The following ATP13A5 variants were observed in gnomAD, a reference collection of about 807,000 sequenced individuals.
ATP13A5 encodes the protein probable cation-transporting ATPase 13A5.
In ATP13A5, 149 loss-of-function variants were observed where a neutral mutation model predicts 150.2. The ratio of observed to expected loss-of-function variants is 0.99; its 90% confidence interval spans 0.87 to 1.14. The LOEUF is 1.14. Ranked by LOEUF, ATP13A5 falls within the 50% of genes most tolerant of loss-of-function variation. The pLI, the probability that ATP13A5 is intolerant of heterozygous loss-of-function variation, is 0.00. For synonymous variants in ATP13A5, 497 were observed against 522.2 expected (o/e 0.95, Z 0.66); for missense variants, 1,383 against 1,449.3 (o/e 0.95, Z 0.74).
In ATP13A5 at chr3:193,321,774, A is replaced by G; in HGVS notation, c.1822T>C (p.Ser608Pro). The G allele has an allele frequency of 6.2e-7, 1 of 1,614,198 alleles. No homozygotes were observed. Among genetic ancestry groups the G allele is most frequent in the African/African-American group, 1.3e-5 (1 of 75,062 alleles). ...TCCCCAGCTAGCTGAGCGATCACGGACATCCTCTGCAGGCTCGAGGAAAAT... is the reference window on the plus strand; with the variant it reads ...TCCCCAGCTAGCTGAGCGATCACGGGCATCCTCTGCAGGCTCGAGGAAAAT... ...FPFSSSLQRMSVIAQLAGENH... is the reference protein window; with the variant it reads ...FPFSSSLQRMPVIAQLAGENH... The change falls in exon 16 of 30, where the codon TCC (serine) becomes CCC (proline). Residue 608 changes from serine to proline, a missense_variant. Ser to Pro is a moderately conservative substitution (Grantham distance 74). Coordinates refer to ENST00000342358, the MANE Select transcript of ATP13A5 (RefSeq NM_198505.4).
intron 5 of ATP13A5, among the ~76,000 whole-genome samples, chr3:193,357,036 A>G (rs1712819912): frequency 6.6e-6 from 1 of 152,074 alleles, no homozygotes; most frequent in Non-Finnish European, 1.5e-5. Context: ...GGCTGGTCTC[A>G]AACCCCTGAC....
At chr3:193,373,967 GA>G (rs1713542548) in intron 1 of ATP13A5, among the ~76,000 whole-genome samples, 1 of 152,222 alleles carries the variant, frequency 6.6e-6, no homozygotes. Context: ...TGTCTGTGCA[GA>G]AGGGGAACAC....
At chr3:193,328,973 A>G (rs1372841789) in intron 12 of ATP13A5, among the ~76,000 whole-genome samples, 1 of 152,198 alleles carries the variant, frequency 6.6e-6, no homozygotes, top group African/African-American at 2.4e-5. Flanking sequence ...TGGGCCGGGC[A>G]CGGTGGCTCA....
intron 9 of ATP13A5, among the ~76,000 whole-genome samples, chr3:193,342,617 G>C (rs982615282): frequency 2.6e-5 from 4 of 152,154 alleles, no homozygotes; most frequent in African/African-American, 9.7e-5. Context: ...TTGTTGAAAG[G>C]CAGCGTTGTT....
At chr3:193,286,035 C>G (rs1717710062) in intron 26 of ATP13A5, among the ~76,000 whole-genome samples, 1 of 151,980 alleles carries the variant, frequency 6.6e-6, no homozygotes, top group Non-Finnish European at 1.5e-5. Flanking sequence ...AAATTTTTGG[C>G]ACCTAGCAAA....
intron 9 of ATP13A5, among the ~76,000 whole-genome samples, chr3:193,337,270 T>C (rs1229192050): frequency 6.6e-6 from 1 of 152,212 alleles, no homozygotes; most frequent in East Asian, 1.9e-4. Flanking sequence ...TTTTGGCTTT[T>C]GTTGCCATTG....
Position 193,322,499 on chromosome 3 carries a change from C to T in ATP13A5, c.1750G>A (p.Ala584Thr). ...VSNIIKPGPK[A>T]SKSPVEAIIT... ...AAAGAAGGAAATCATACCTTACTGG[C>T]TTTTGGTCCTGGTTTTATGATGTTT... Residue 584 changes from alanine to threonine, a missense_variant, in exon 15 of 30, where the codon GCC (alanine) becomes ACC (threonine). Ala to Thr is a moderately conservative substitution (Grantham distance 58, BLOSUM62 0). Transcript: ENST00000342358. 6.2e-7 allele frequency: 1 copy of T among 1,612,866 alleles called. No individual in the cohort carries two copies. The highest frequency in any genetic ancestry group is 8.5e-7 in the Non-Finnish European group (1 of 1,178,952).
At chr3:193,338,527 G>A (rs1711984677) in intron 9 of ATP13A5, among the ~76,000 whole-genome samples, 2 of 152,146 alleles carry the variant, frequency 1.3e-5, no homozygotes, top group African/African-American at 4.8e-5. Flanking sequence ...TTATATGCTG[G>A]ATTACATTTA....
Position 193,333,881 on chromosome 3 carries a change from C to G in ATP13A5, c.1141G>C (p.Val381Leu), listed in dbSNP as rs762721457. 1.9e-6 allele frequency: 3 copies of G among 1,613,606 alleles called. No homozygotes were observed. The highest frequency in any genetic ancestry group is 2.5e-6 in the Non-Finnish European group (3 of 1,179,800). Reference sequence around the variant, plus strand: ...GGCCGGGGGTACAGGATGGATCTCACTAAGTCCCCTTTGGCTGTATTGTAA... The same window carrying G: ...GGCCGGGGGTACAGGATGGATCTCAGTAAGTCCCCTTTGGCTGTATTGTAA... The part of the protein sequence containing the change: ...TGYNTAKGDL[V>L]RSILYPRPLN... The change falls in exon 11 of 30, where the codon GTG (valine) becomes CTG (leucine). Residue 381 changes from valine to leucine, a missense_variant. Val to Leu is a conservative substitution (Grantham distance 32). Around this residue, in one of 3 missense-constraint regions of ATP13A5, gnomAD observed 787 missense variants for 771.9 expected, o/e 1.02. Transcript: ENST00000342358.
chr3:193,299,040 C>T, intron 25 of ATP13A5, 91 bp downstream of exon 25: 12 of 995,560 alleles, frequency 1.2e-5, no homozygotes, highest in Non-Finnish European at 1.8e-5. Flanking sequence ...AATAAGGGTG[C>T]CTCTTTCTCA....
chr3:193,331,886 CAATT>C (rs1443323955), intron 11 of ATP13A5, among the ~76,000 whole-genome samples: 2 of 152,238 alleles, frequency 1.3e-5, no homozygotes, highest in East Asian at 3.9e-4. Context: ...GAGGTTTTAA[CAATT>C]AAATAATTTT....
At chr3:193,356,919 G>A (rs574503898) in intron 5 of ATP13A5, among the ~76,000 whole-genome samples, 1 of 152,058 alleles carries the variant, frequency 6.6e-6, no homozygotes, top group Admixed American at 6.5e-5. Flanking sequence ...AGTTTCAAGC[G>A]ATTCTCCTGC....
intron 25 of ATP13A5, among the ~76,000 whole-genome samples, chr3:193,296,049 G>A (rs1718158114): frequency 6.6e-6 from 1 of 152,102 alleles, no homozygotes; most frequent in Non-Finnish European, 1.5e-5. Flanking sequence ...TTACTGTCTG[G>A]TAGGTTAAGT....
chr3:193,307,425 G>T, intron 21 of ATP13A5, 56 bp from the exon 22 acceptor site: 1 of 1,593,432 alleles, frequency 6.3e-7, no homozygotes, highest in Non-Finnish European at 8.6e-7. Context: ...CAGCTCACTT[G>T]AATATTTTCC....
chr3:193,323,825 T>A (rs1426858044), intron 14 of ATP13A5: 1 of 152,244 alleles, frequency 6.6e-6, no homozygotes, highest in Non-Finnish European at 1.5e-5. Flanking sequence ...TATGTCTTTG[T>A]ATTAGCTTCT....
chr3:193,361,697 A>C (rs575856428), intron 5 of ATP13A5, among the ~76,000 whole-genome samples: 1 of 152,330 alleles, frequency 6.6e-6, no homozygotes, highest in South Asian at 2.1e-4. Flanking sequence ...AGTTAATAAT[A>C]GCATAAGCAT....
At chr3:193,301,853 T>C (rs747509121) in intron 23 of ATP13A5, among the ~76,000 whole-genome samples, 12 of 152,142 alleles carry the variant, frequency 7.9e-5, no homozygotes, top group Non-Finnish European at 1.5e-4. Flanking sequence ...GCTTTGATAT[T>C]GCAGGAAGAC....
intron 1 of ATP13A5, among the ~76,000 whole-genome samples, chr3:193,378,264 G>T (rs745735164): frequency 2.0e-5 from 3 of 152,112 alleles, no homozygotes; most frequent in Non-Finnish European, 4.4e-5. Context: ...CCTAAGCCTA[G>T]GTTATGCATA....
At chr3:193,334,574 G>A (rs1442941756) in intron 10 of ATP13A5, among the ~76,000 whole-genome samples, 1 of 152,122 alleles carries the variant, frequency 6.6e-6, no homozygotes, top group Non-Finnish European at 1.5e-5. Context: ...GCAACTCTTT[G>A]AAAGGAAAAA....
Sources: allele counts gnomAD v4.1 joint callset (sites outside exome capture counted in the v4.1 genomes callset), GRCh38; gene constraint gnomAD v4.1.1; regional missense constraint gnomAD v4.1.1; transcripts MANE v1.5; gene names NCBI Gene and HGNC (gene_info 2026-07-23, HGNC 2026-07-21).